Variants in GATAD2A observed in about 807,000 individuals in gnomAD.
The protein encoded by GATAD2A is transcriptional repressor p66-alpha.
In GATAD2A, 12 loss-of-function variants were observed where a neutral mutation model predicts 68.5. The ratio of observed to expected loss-of-function variants is 0.18; its 90% CI spans 0.11 to 0.28. GATAD2A has a LOEUF of 0.28. GATAD2A is among the 10% of genes least tolerant of loss of function. GATAD2A has a pLI of 1.00. For missense variants in GATAD2A, 755 were observed against 868.5 expected, an observed-to-expected ratio of 0.87 and a Z score of 1.64; for synonymous variants, 410 against 375.3, an observed-to-expected ratio of 1.09 and a Z score of -1.07.
At chr19:19,393,547 A>G (rs1228782838) in intron 1 of GATAD2A, among the ~76,000 whole-genome samples, 1 of 152,212 alleles carries the variant, frequency 6.6e-6, no homozygotes, top group Non-Finnish European at 1.5e-5. Flanking sequence ...CAGGACTGAC[A>G]CAGCTGGCCT....
chr19:19,437,233 G>A (rs936916427), intron 1 of GATAD2A, among the ~76,000 whole-genome samples: 2 of 152,098 alleles, frequency 1.3e-5, no homozygotes, highest in African/African-American at 4.8e-5. Flanking sequence ...GGGCTCAAGC[G>A]ATCCTCCCCG....
chr19:19,413,930 G>C (rs1255787473), intron 1 of GATAD2A, among the ~76,000 whole-genome samples: 2 of 151,974 alleles, frequency 1.3e-5, no homozygotes, highest in African/African-American at 4.8e-5. Context: ...AACTGACCTC[G>C]GTAGTTTGTA....
chr19:19,401,498 C>A (rs1466436911), upstream of GATAD2A, among the ~76,000 whole-genome samples: 1 of 152,042 alleles, frequency 6.6e-6, no homozygotes, highest in Non-Finnish European at 1.5e-5. Context: ...CAGGTGCGAG[C>A]CACTGCGCCC....
At chr19:19,398,627 C>T (rs1057134990) in intron 1 of GATAD2A, among the ~76,000 whole-genome samples, 1 of 151,896 alleles carries the variant, frequency 6.6e-6, no homozygotes, top group African/African-American at 2.4e-5. Flanking sequence ...GACACTGTGC[C>T]CGGCCTAGAA....
intron 2 of GATAD2A, among the ~76,000 whole-genome samples, chr19:19,473,764 C>T (rs1278221488): frequency 2.7e-5 from 4 of 148,350 alleles, no homozygotes; most frequent in African/African-American, 5.0e-5. Flanking sequence ...GGTGAAACCC[C>T]GTCTCTACTT....
intron 1 of GATAD2A, among the ~76,000 whole-genome samples, chr19:19,455,494 C>G (rs2056841267): frequency 6.6e-6 from 1 of 151,218 alleles, no homozygotes; most frequent in East Asian, 1.9e-4. Context: ...GACTCTGGGT[C>G]TTAAAAAAAA....
At chr19:19,483,646 G>GCC (rs2059210752) in intron 2 of GATAD2A, among the ~76,000 whole-genome samples, 1 of 151,714 alleles carries the variant, frequency 6.6e-6, no homozygotes, top group African/African-American at 2.4e-5. Context: ...ACTGAGTCTC[G>GCC]GTCTGTCATC....
chr19:19,505,345 C>T lies in GATAD2A; in HGVS notation c.1776C>T (p.Gly592=), dbSNP rs543886029. ...GCTGGTCGCTCTGTTCTGTTGCAGGCGGGACCCTTGCGTTTGTCAGCCCAA... is the reference window on the plus strand; with the variant it reads ...GCTGGTCGCTCTGTTCTGTTGCAGGTGGGACCCTTGCGTTTGTCAGCCCAA... ...SNWKKTPLST[G]GTLAFVSPSL... Residue 592 remains glycine (G), a splice_region_variant and synonymous_variant, in exon 12 of 12, where the codon GGC becomes GGT. Coordinates refer to ENST00000683918, the MANE Select transcript of GATAD2A (RefSeq NM_001384528.1). 1.7e-5 allele frequency: 28 copies of T among 1,613,008 alleles called. No individual in the cohort carries two copies. Among genetic ancestry groups the T allele is most frequent in the East Asian group, 6.7e-5 (3 of 44,838 alleles).
intron 2 of GATAD2A, among the ~76,000 whole-genome samples, chr19:19,474,380 C>G (rs1485309178): frequency 6.6e-6 from 1 of 152,176 alleles, no homozygotes; most frequent in Non-Finnish European, 1.5e-5. Flanking sequence ...CTTACCATCC[C>G]ACTCCAGAAG....
chr19:19,395,224 G>A (rs977782772), intron 1 of GATAD2A, among the ~76,000 whole-genome samples: 12 of 152,214 alleles, frequency 7.9e-5, no homozygotes, highest in African/African-American at 2.9e-4. Context: ...GGAGGCTGAG[G>A]CAGGCGGATC....
chr19:19,409,774 G>T (rs1262408602), intron 1 of GATAD2A, among the ~76,000 whole-genome samples: 1 of 152,188 alleles, frequency 6.6e-6, no homozygotes, highest in African/African-American at 2.4e-5. Context: ...GACAGATCCC[G>T]CTCGAGCATG....
intron 1 of GATAD2A, among the ~76,000 whole-genome samples, chr19:19,425,828 C>T (rs1416393852): frequency 3.3e-5 from 5 of 151,136 alleles, no homozygotes; most frequent in East Asian, 1.9e-4. Context: ...CTGGCTCTGT[C>T]GCCCAGGCTG....
At chr19:19,420,010 T>TTTTC in intron 1 of GATAD2A, among the ~76,000 whole-genome samples, 1 of 132,082 alleles carries the variant, frequency 7.6e-6, no homozygotes, top group African/African-American at 3.0e-5. Flanking sequence ...CTTGACTTTT[T>TTTTC]TTTTTTTTTT....
chr19:19,443,527 A>G (rs1474186082), intron 1 of GATAD2A, among the ~76,000 whole-genome samples: 1 of 152,140 alleles, frequency 6.6e-6, no homozygotes, highest in East Asian at 1.9e-4. Flanking sequence ...TGTAGAGATA[A>G]ATACTGACCC....
intron 1 of GATAD2A, among the ~76,000 whole-genome samples, chr19:19,393,043 C>T (rs973216442): frequency 2.6e-5 from 4 of 152,186 alleles, no homozygotes; most frequent in African/African-American, 4.8e-5. Flanking sequence ...CGGTGGCTTA[C>T]GCCTGTAACC....
intron 1 of GATAD2A, among the ~76,000 whole-genome samples, chr19:19,420,829 C>T (rs114459912): frequency 1.7e-3 from 263 of 152,228 alleles, no homozygotes; most frequent in African/African-American, 5.1e-3. Flanking sequence ...GACAGTACCT[C>T]GTTCTGTGGT....
intron 1 of GATAD2A, among the ~76,000 whole-genome samples, chr19:19,447,049 G>T (rs1277438639): frequency 6.6e-6 from 1 of 152,226 alleles, no homozygotes; most frequent in Non-Finnish European, 1.5e-5. Flanking sequence ...GCCCTTGGAT[G>T]GTAGTGCTAG....
intron 1 of GATAD2A, among the ~76,000 whole-genome samples, chr19:19,415,111 A>C (rs574228192): frequency 1.3e-4 from 14 of 109,716 alleles, no homozygotes; most frequent in African/African-American, 4.5e-4. Context: ...AAAAAACCCC[A>C]AAAAACTGTA....
Position 19,505,956 on chromosome 19 carries a change from G to A in GATAD2A, c.*482G>A, listed in dbSNP as rs528500839. 1.2e-4 allele frequency: 49 copies of A among 398,712 alleles called. No homozygotes were observed. Among genetic ancestry groups the A allele is most frequent in the Non-Finnish European group, 1.9e-4 (44 of 226,206 alleles). The allele number at this position is 398,712 out of a possible 1,614,324, so 24.7% of individuals were successfully genotyped here. On this transcript the variant is annotated 3_prime_UTR_variant, in exon 12 of 12. Coordinates refer to ENST00000683918, the MANE Select transcript of GATAD2A (RefSeq NM_001384528.1). Reference sequence around the variant, plus strand: ...CAGTCTTTGACTGCCTTCCCATGGCGATCTATAAGTTGAAAGATTTTTTTT... The same window carrying A: ...CAGTCTTTGACTGCCTTCCCATGGCAATCTATAAGTTGAAAGATTTTTTTT...
Sources: allele counts gnomAD v4.1 joint callset (sites outside exome capture counted in the v4.1 genomes callset), GRCh38; gene constraint gnomAD v4.1.1; transcripts MANE v1.5; gene names NCBI Gene and HGNC (gene_info 2026-07-23, HGNC 2026-07-21).